Variants in TNS3 observed in about 807,000 individuals in gnomAD.
TNS3 encodes the protein tensin-3.
In TNS3, 45 loss-of-function variants were observed where a neutral mutation model predicts 140.9. The ratio of observed to expected loss-of-function variants is 0.32; its 90% CI spans 0.25 to 0.41. The LOEUF (loss-of-function observed/expected upper bound fraction) is 0.41. Among genes scored for constraint, TNS3 ranks in the 10% least tolerant of loss-of-function variants. TNS3 has a pLI of 1.00. For synonymous variants in TNS3, 815 were observed against 788.4 expected (o/e 1.03, Z -0.56); for missense variants, 1,716 against 1,906.7 (o/e 0.90, Z 1.86).
At chr7:47,314,468 G>A (rs2150791103) in intron 20 of TNS3, among the ~76,000 whole-genome samples, 1 of 152,298 alleles carries the variant, frequency 6.6e-6, no homozygotes, top group East Asian at 1.9e-4. Context: ...TGGGGGAGGT[G>A]CACCAAAAAT....
chr7:47,408,858 G>A lies in TNS3; in HGVS notation c.723+2869C>T, dbSNP rs945033815. ...CCTTCCAACCTGGAGCCAACTCACA[G>A]GACACGTCCATCTGAGTCCTCCTGT... On this transcript the variant is annotated intron_variant, in intron 13 of 30. Coordinates refer to ENST00000311160, the MANE Select transcript of TNS3 (RefSeq NM_022748.12). Among the ~76,000 whole-genome samples the A allele has an allele frequency of 2.0e-5, 3 of 152,012 alleles. No homozygotes were observed. In the East Asian group the frequency reaches 5.8e-4, roughly 29 times the overall value.
At chr7:47,495,033 C>A (rs1440570982) in intron 3 of TNS3, among the ~76,000 whole-genome samples, 8 of 151,910 alleles carry the variant, frequency 5.3e-5, no homozygotes, top group Admixed American at 2.6e-4. Flanking sequence ...ATAAAGCCAG[C>A]GGTTTGATTA....
intron 20 of TNS3, among the ~76,000 whole-genome samples, chr7:47,341,679 T>A (rs1185198508): frequency 6.6e-6 from 1 of 152,096 alleles, no homozygotes. Flanking sequence ...ACCACTTCTT[T>A]CATTTATTTT....
chr7:47,582,360 C>T (rs532338485), upstream of TNS3: 306 of 452,822 alleles, frequency 6.8e-4, 6 homozygotes, highest in South Asian at 4.6e-3. Context: ...TTATCAGACC[C>T]ATTGAGCAGC....
At chr7:47,509,061 T>C (rs1317318711) in intron 2 of TNS3, among the ~76,000 whole-genome samples, 1 of 152,212 alleles carries the variant, frequency 6.6e-6, no homozygotes, top group Non-Finnish European at 1.5e-5. Context: ...CTTACTGCTA[T>C]GTTAAGGTAC....
chr7:47,385,340 C>T (rs936484420), intron 16 of TNS3, among the ~76,000 whole-genome samples: 2 of 152,208 alleles, frequency 1.3e-5, no homozygotes, highest in African/African-American at 4.8e-5. Context: ...GCTGCATGCT[C>T]GGAAGGTTGT....
Position 47,407,621 on chromosome 7 carries a change from A to C in TNS3, c.723+4106T>G, listed in dbSNP as rs143410152. ...GCTGAATGGTGTCCTTCCAAAATCC[A>C]TAAGTTGAAGGTCTCAGCACTTCAG... is the stretch of plus-strand genomic sequence containing the variant. On this transcript the variant is annotated intron_variant, in intron 13 of 30. Coordinates refer to ENST00000311160, the MANE Select transcript of TNS3 (RefSeq NM_022748.12). The surrounding 1 kb of genome is among the most constrained non-coding windows in gnomAD (Gnocchi z 4.1). Among the ~76,000 whole-genome samples the C allele has an allele frequency of 6.6e-6, 1 of 152,226 alleles. No homozygotes were observed. Among genetic ancestry groups the C allele is most frequent in the African/African-American group, 2.4e-5 (1 of 41,458 alleles).
intron 1 of TNS3, among the ~76,000 whole-genome samples, chr7:47,570,536 C>CA (rs1317927127): frequency 1.3e-5 from 2 of 152,200 alleles, no homozygotes; most frequent in Non-Finnish European, 2.9e-5. Flanking sequence ...ATTTACAAAG[C>CA]AAAACTCCAA....
intron 3 of TNS3, among the ~76,000 whole-genome samples, chr7:47,485,914 G>C (rs1187235738): frequency 2.6e-5 from 4 of 152,168 alleles, no homozygotes. Context: ...GTGTCCTTGG[G>C]AATGTGAGTG....
At chr7:47,521,669 G>A (rs1201876203) in intron 2 of TNS3, among the ~76,000 whole-genome samples, 1 of 152,076 alleles carries the variant, frequency 6.6e-6, no homozygotes, top group South Asian at 2.1e-4. Context: ...GAAACCTAAA[G>A]GATGAGGGTC....
intron 20 of TNS3, among the ~76,000 whole-genome samples, chr7:47,334,246 A>AT (rs1469317392): frequency 6.6e-6 from 1 of 152,204 alleles, no homozygotes; most frequent in African/African-American, 2.4e-5. Context: ...AGCAGAGAAG[A>AT]GGCTGCATGC....
intron 30 of TNS3, chr7:47,279,800 C>T (rs1785046220): frequency 1.4e-5 from 4 of 276,970 alleles, no homozygotes; most frequent in Admixed American, 4.9e-5. Context: ...TTGGAACACC[C>T]GCTTCATCCA....
At chr7:47,503,016 T>C (rs1428217301) in intron 3 of TNS3, among the ~76,000 whole-genome samples, 1 of 152,154 alleles carries the variant, frequency 6.6e-6, no homozygotes, top group East Asian at 1.9e-4. Flanking sequence ...GTGTTTTTCC[T>C]GGATTAAAGG....
At chr7:47,513,116 GAA>G (rs933006676) in intron 2 of TNS3, among the ~76,000 whole-genome samples, 1 of 152,128 alleles carries the variant, frequency 6.6e-6, no homozygotes, top group Non-Finnish European at 1.5e-5. Context: ...ATAATATAGT[GAA>G]GTCTCAGAAA....
chr7:47,488,288 C>A (rs1464806676), intron 3 of TNS3, among the ~76,000 whole-genome samples: 1 of 152,226 alleles, frequency 6.6e-6, no homozygotes, highest in Non-Finnish European at 1.5e-5. Context: ...AGTGCTGACA[C>A]TGACCCAAGT....
intron 2 of TNS3, among the ~76,000 whole-genome samples, chr7:47,515,187 A>C (rs34964258): frequency 6.6e-6 from 1 of 152,162 alleles, no homozygotes; most frequent in Non-Finnish European, 1.5e-5. Context: ...CTACTTAACC[A>C]CATATGAAAT....
intron 2 of TNS3, among the ~76,000 whole-genome samples, chr7:47,525,344 G>A (rs334522): frequency 0.26 from 39,300 of 152,170 alleles, 5,877 homozygotes; most frequent in East Asian, 0.37. Context: ...CTTTGTTCTC[G>A]TGAGTGCCTG....
intron 4 of TNS3, among the ~76,000 whole-genome samples, chr7:47,475,485 G>A (rs771443210): frequency 6.6e-6 from 1 of 152,210 alleles, no homozygotes; most frequent in African/African-American, 2.4e-5. Context: ...CGGAGACACC[G>A]GCCTCCTTCA....
intron 20 of TNS3, among the ~76,000 whole-genome samples, chr7:47,334,542 G>A (rs1305653786): frequency 6.7e-6 from 1 of 150,130 alleles, no homozygotes; most frequent in East Asian, 2.0e-4. Context: ...TTTATGTTAT[G>A]TGTTTATATT....
Sources: allele counts gnomAD v4.1 joint callset (sites outside exome capture counted in the v4.1 genomes callset), GRCh38; gene constraint gnomAD v4.1.1; non-coding constraint Gnocchi (gnomAD v3.1); transcripts MANE v1.5; gene names NCBI Gene and HGNC (gene_info 2026-07-23, HGNC 2026-07-21).